Variants in OVCH1 observed in about 807,000 individuals in gnomAD.
The protein encoded by OVCH1 is ovochymase 1, also known as ovochymase-1.
OVCH1 carries 139 observed loss-of-function variants against 138.4 expected under a neutral mutation model. That is an observed-to-expected ratio of 1.00 (90% confidence interval 0.87 to 1.16). OVCH1 has a LOEUF of 1.16. Among genes scored for constraint, OVCH1 ranks in the 50% most tolerant of loss-of-function variants. The probability of loss-of-function intolerance (pLI) is 0.00; values close to 1 mark genes in which losing one functional copy is unlikely to be tolerated. For missense variants in OVCH1, 1,367 were observed against 1,357.9 expected (o/e 1.01, Z -0.11); for synonymous variants, 453 against 467.8 (o/e 0.97, Z 0.41).
At chr12:29,491,450 T>C (rs1185986708) in intron 4 of OVCH1, among the ~76,000 whole-genome samples, 1 of 152,236 alleles carries the variant, frequency 6.6e-6, no homozygotes, top group Non-Finnish European at 1.5e-5. Flanking sequence ...ACTAACATTT[T>C]AGACTATGCC....
At chr12:29,464,769 G>C (rs917858545) in intron 17 of OVCH1, 67 bp from the exon 18 acceptor site, 71 of 1,379,298 alleles carry the variant, frequency 5.1e-5, no homozygotes, top group Non-Finnish European at 7.1e-5. Flanking sequence ...CTTCCTTGTT[G>C]ATGGTCCAAA....
intron 16 of OVCH1, among the ~76,000 whole-genome samples, chr12:29,466,147 AATG>A (rs1223202735): frequency 6.6e-6 from 1 of 151,548 alleles, no homozygotes; most frequent in Non-Finnish European, 1.5e-5. Flanking sequence ...ACCTAATGTA[AATG>A]ATAAGTTAAT....
At chr12:29,414,753 T>TAC (rs1266149993) in intron 3 of OVCH1, among the ~76,000 whole-genome samples, 2 of 152,098 alleles carry the variant, frequency 1.3e-5, no homozygotes, top group East Asian at 3.8e-4. Flanking sequence ...AAAATATATA[T>TAC]ACAAGGATAG....
At chr12:29,432,813 C>G (rs1488811099) in intron 27 of OVCH1, among the ~76,000 whole-genome samples, 2 of 152,084 alleles carry the variant, frequency 1.3e-5, no homozygotes. Flanking sequence ...TGAAGGAGAC[C>G]AGTGAGCTCT....
At chr12:29,420,970 A>G (rs995364881) in intron 3 of OVCH1, among the ~76,000 whole-genome samples, 1 of 152,260 alleles carries the variant, frequency 6.6e-6, no homozygotes, top group Non-Finnish European at 1.5e-5. Flanking sequence ...GGGAGAGCAG[A>G]TGGGTACACC....
intron 19 of OVCH1, among the ~76,000 whole-genome samples, chr12:29,458,300 C>T (rs1942020560): frequency 6.7e-6 from 1 of 149,838 alleles, no homozygotes; most frequent in Non-Finnish European, 1.5e-5. Context: ...ACTCATAGAA[C>T]AATGGAACAG....
rs759329738 is a variant in OVCH1 at position 29,487,748 on chromosome 12, G to T, written c.837C>A (p.Gly279=). ...TCAACTCAGACACTTTGGAGAAAATGCCAAGTGATGCCTTCACATGGTTGT... is the reference window on the plus strand; with the variant it reads ...TCAACTCAGACACTTTGGAGAAAATTCCAAGTGATGCCTTCACATGGTTGT... The change falls in exon 7 of 28, where the codon GGC becomes GGA. Residue 279 remains glycine (G), a synonymous_variant. Coordinates refer to ENST00000318184, the Ensembl canonical transcript of OVCH1. 5.6e-6 allele frequency: 9 copies of T among 1,605,646 alleles called. No homozygotes were observed. The South Asian group carries it at 1.0e-4, about 18-fold the overall frequency.
At chr12:29,487,911 T>A in intron 6 of OVCH1, 29 bp from the exon 7 acceptor site, 1 of 1,571,064 alleles carries the variant, frequency 6.4e-7, no homozygotes, top group Non-Finnish European at 8.6e-7. Context: ...AGAGAAAATT[T>A]GAAAATAGCC....
At chr12:29,448,403 T>C (rs1941677834) in intron 22 of OVCH1, among the ~76,000 whole-genome samples, 1 of 151,812 alleles carries the variant, frequency 6.6e-6, no homozygotes, top group Non-Finnish European at 1.5e-5. Flanking sequence ...AGGGGCGTGA[T>C]ACAACTTACA....
At chr12:29,449,254 T>G (rs1340486259) in intron 22 of OVCH1, among the ~76,000 whole-genome samples, 1 of 90,738 alleles carries the variant, frequency 1.1e-5, no homozygotes, top group Admixed American at 1.0e-4. Flanking sequence ...AGTTGAGCCC[T>G]CTTGCCTTTT....
At chr12:29,440,009 G>A (rs943051909) in intron 25 of OVCH1, among the ~76,000 whole-genome samples, 1 of 152,110 alleles carries the variant, frequency 6.6e-6, no homozygotes, top group Non-Finnish European at 1.5e-5. Context: ...CCAACTTTAT[G>A]AACTCTCCTT....
intron 3 of OVCH1, 137 bp from the exon 4 acceptor site, chr12:29,495,594 G>A (rs775375839): frequency 2.6e-6 from 2 of 755,724 alleles, no homozygotes; most frequent in Non-Finnish European, 4.1e-6. Flanking sequence ...CCTTATTATT[G>A]AGTATTACCA....
intron 7 of OVCH1, chr12:29,486,854 G>A (rs1186670785): frequency 6.6e-6 from 3 of 451,178 alleles, no homozygotes; most frequent in Non-Finnish European, 1.3e-5. Flanking sequence ...ATTTGTTCAG[G>A]GCTTTTAAAC....
chr12:29,418,416 A>G (rs1181078701), intron 3 of OVCH1, among the ~76,000 whole-genome samples: 1 of 152,256 alleles, frequency 6.6e-6, no homozygotes, highest in Non-Finnish European at 1.5e-5. Context: ...GTAGACCTCC[A>G]TCAATTAAAA....
Position 29,491,022 on chromosome 12 carries a change from C to A in OVCH1, c.550+75G>T, listed in dbSNP as rs1357683818. The A allele has an allele frequency of 4.3e-5, 54 of 1,267,802 alleles. 1 individual carries two copies. The East Asian group carries it at 1.2e-3, about 28-fold the overall frequency. The allele number at this position is 1,267,802 out of a possible 1,614,324, so 78.5% of individuals were successfully genotyped here. On this transcript the variant is annotated intron_variant, in intron 5 of 27. Coordinates refer to ENST00000318184, the Ensembl canonical transcript of OVCH1. ...AAATGATAAATGTACTACTCATGGT[C>A]AACAAAATTATTTCTGCTTCCCCTG...
chr12:29,469,179 C>T (rs1199411476), intron 16 of OVCH1, among the ~76,000 whole-genome samples: 1 of 152,056 alleles, frequency 6.6e-6, no homozygotes, highest in Non-Finnish European at 1.5e-5. Flanking sequence ...ATTAGAGAAA[C>T]CTGGTAAACA....
At chr12:29,480,462 G>A (rs1942893927) in intron 8 of OVCH1, among the ~76,000 whole-genome samples, 1 of 152,152 alleles carries the variant, frequency 6.6e-6, no homozygotes. Flanking sequence ...GCTGAAAGAT[G>A]AAAAATAGGT....
At chr12:29,461,610 C>T (rs1002649929) in intron 19 of OVCH1, 9 of 548,728 alleles carry the variant, frequency 1.6e-5, no homozygotes, top group African/African-American at 1.5e-4. Flanking sequence ...TGCCTTCTCA[C>T]CAGCTCCTCT....
intron 8 of OVCH1, among the ~76,000 whole-genome samples, chr12:29,480,413 T>C (rs990447741): frequency 6.6e-6 from 1 of 152,212 alleles, no homozygotes; most frequent in African/African-American, 2.4e-5. Flanking sequence ...TTTCTCAAAT[T>C]GTTCCATCAT....
Sources: allele counts gnomAD v4.1 joint callset (sites outside exome capture counted in the v4.1 genomes callset), GRCh38; gene constraint gnomAD v4.1.1; transcripts MANE v1.5; gene names NCBI Gene and HGNC (gene_info 2026-07-23, HGNC 2026-07-21).